The following MAPK14 variants were observed in gnomAD, a reference collection of about 807,000 sequenced individuals.
The protein encoded by MAPK14 is mitogen-activated protein kinase 14.
Under a neutral mutation model 49.6 loss-of-function variants are expected in MAPK14, and 16 were observed. That is an observed-to-expected ratio of 0.32 (90% CI 0.22 to 0.49). MAPK14 has a LOEUF of 0.49. Among genes scored for constraint, MAPK14 ranks in the 20% least tolerant of loss-of-function variants. The pLI, the probability that MAPK14 is intolerant of heterozygous loss-of-function variation, is 0.99. For missense variants in MAPK14, 200 were observed against 441.2 expected, an observed-to-expected ratio of 0.45 and a Z score of 4.90; for synonymous variants, 142 against 158.0, an observed-to-expected ratio of 0.90 and a Z score of 0.76.
intron 1 of MAPK14, among the ~76,000 whole-genome samples, chr6:36,041,272 C>T (rs755367442): frequency 1.2e-4 from 18 of 149,220 alleles, no homozygotes; most frequent in Non-Finnish European, 2.2e-4. Flanking sequence ...TCAGATTTTT[C>T]CTTGTGTTTC....
the MAPK14 span, among the ~76,000 whole-genome samples, chr6:36,121,514 C>G: frequency 1.3e-5 from 2 of 152,132 alleles, no homozygotes; most frequent in Non-Finnish European, 2.9e-5. Flanking sequence ...GAGTGAAGAC[C>G]AGGCCTGAGA....
chr6:36,030,997 G>T (rs1762519866), intron 1 of MAPK14, among the ~76,000 whole-genome samples: 6 of 152,196 alleles, frequency 3.9e-5, no homozygotes. Context: ...CTTATTCAGA[G>T]ATTCAGCGTA....
At chr6:36,082,528 G>T (rs1447314681) in intron 8 of MAPK14, among the ~76,000 whole-genome samples, 1 of 152,182 alleles carries the variant, frequency 6.6e-6, no homozygotes. Flanking sequence ...ATCTGTTTCT[G>T]GTCAGGACCT....
chr6:36,079,506 GC>G (rs1035896706), intron 8 of MAPK14, among the ~76,000 whole-genome samples: 7 of 151,692 alleles, frequency 4.6e-5, no homozygotes, highest in African/African-American at 1.7e-4. Flanking sequence ...AAAAAAAATT[GC>G]AAAAAAAAAA....
chr6:36,110,881 C>T lies in MAPK14; in HGVS notation c.*2434C>T, dbSNP rs2127479415. The T allele has an allele frequency of 6.6e-6, 1 of 152,350 alleles. No homozygotes were observed. Among genetic ancestry groups the T allele is most frequent in the South Asian group, 2.1e-4 (1 of 4,834 alleles). The allele number at this position is 152,350 out of a possible 1,614,324, so 9.4% of individuals were successfully genotyped here. ...TGTCTGACAGATCTTAATACTACTCCTAACATTTAGAAAATGTTGATAAAG... is the reference window on the plus strand; with the variant it reads ...TGTCTGACAGATCTTAATACTACTCTTAACATTTAGAAAATGTTGATAAAG... On this transcript the variant is annotated 3_prime_UTR_variant, in exon 12 of 12. Transcript: ENST00000229794.
At chr6:36,088,856 G>A (rs923614120) in intron 8 of MAPK14, among the ~76,000 whole-genome samples, 2 of 152,128 alleles carry the variant, frequency 1.3e-5, no homozygotes, top group Non-Finnish European at 2.9e-5. Flanking sequence ...ACCACAATGA[G>A]ATACTGTCTC....
chr6:36,029,850 G>C (rs369339202), intron 1 of MAPK14, among the ~76,000 whole-genome samples: 368 of 138,142 alleles, frequency 2.7e-3, no homozygotes, highest in African/African-American at 8.6e-3. Flanking sequence ...GAGTGTGTGT[G>C]TGTAGTTGGT....
At chr6:36,121,407 C>G in the MAPK14 span, among the ~76,000 whole-genome samples, 2 of 152,222 alleles carry the variant, frequency 1.3e-5, no homozygotes, top group Admixed American at 1.3e-4. Flanking sequence ...CTGTGCTGCC[C>G]TCAAGCTGCC....
chr6:36,114,754 A>T (rs201604808), downstream of MAPK14, among the ~76,000 whole-genome samples: 4 of 152,192 alleles, frequency 2.6e-5, no homozygotes, highest in African/African-American at 9.7e-5. Flanking sequence ...TTAAAAAAAA[A>T]CAGTAGGTTG....
At chr6:36,095,845 A>C in intron 8 of MAPK14, 142 bp from the exon 9 acceptor site, 1 of 601,514 alleles carries the variant, frequency 1.7e-6, no homozygotes, top group Non-Finnish European at 2.9e-6. Flanking sequence ...CTTGACCTAG[A>C]GGGATTCACC....
chr6:36,108,248 C>G (rs61764194), intron 11 of MAPK14, 132 bp from the exon 12 acceptor site: 68 of 687,838 alleles, frequency 9.9e-5, no homozygotes, highest in Middle Eastern at 2.4e-4. Flanking sequence ...CTATTACATA[C>G]AAGCTGTGAG....
At chr6:36,113,664 C>T (rs1766013273), downstream of MAPK14, among the ~76,000 whole-genome samples, 1 of 152,160 alleles carries the variant, frequency 6.6e-6, no homozygotes, top group South Asian at 2.1e-4. Context: ...GGATTGTGCC[C>T]TTTAATTTTT....
At chr6:36,085,161 C>T (rs544688143) in intron 8 of MAPK14, among the ~76,000 whole-genome samples, 9 of 152,258 alleles carry the variant, frequency 5.9e-5, no homozygotes, top group Admixed American at 3.3e-4. Flanking sequence ...GCAAGAGCTC[C>T]TGAAGGAAGC....
intron 8 of MAPK14, among the ~76,000 whole-genome samples, chr6:36,087,440 G>T (rs561232615): frequency 6.6e-6 from 1 of 152,266 alleles, no homozygotes; most frequent in South Asian, 2.1e-4. Context: ...AAAGTCTCGG[G>T]ATACAAAATC....
chr6:36,062,660 T>C (rs553553922), intron 3 of MAPK14, among the ~76,000 whole-genome samples: 6 of 120,632 alleles, frequency 5.0e-5, no homozygotes, highest in African/African-American at 1.0e-4. Context: ...TCTTTTTCTT[T>C]TCTTTTTTTT....
chr6:36,088,988 A>G (rs1254703307), intron 8 of MAPK14, among the ~76,000 whole-genome samples: 2 of 152,210 alleles, frequency 1.3e-5, no homozygotes, highest in Non-Finnish European at 2.9e-5. Context: ...CCATTGTGGA[A>G]GACTGGTGAA....
At chr6:36,054,705 A>G (rs1423916482) in intron 2 of MAPK14, among the ~76,000 whole-genome samples, 3 of 152,216 alleles carry the variant, frequency 2.0e-5, no homozygotes, top group Admixed American at 6.5e-5. Flanking sequence ...AGGTGCTTAT[A>G]ATGTCAAAGT....
chr6:36,059,556 C>T (rs888484616), intron 3 of MAPK14, among the ~76,000 whole-genome samples: 9 of 152,122 alleles, frequency 5.9e-5, no homozygotes, highest in Admixed American at 5.2e-4. Flanking sequence ...CACATTGTAC[C>T]CCATTGAAGA....
chr6:36,065,250 G>A (rs774979867), intron 3 of MAPK14, among the ~76,000 whole-genome samples: 9 of 152,080 alleles, frequency 5.9e-5, no homozygotes, highest in East Asian at 1.9e-4. Flanking sequence ...TGTTTTCTTC[G>A]TTGCTGAATC....
Sources: allele counts gnomAD v4.1 joint callset (sites outside exome capture counted in the v4.1 genomes callset), GRCh38; gene constraint gnomAD v4.1.1; transcripts MANE v1.5; gene names NCBI Gene and HGNC (gene_info 2026-07-23, HGNC 2026-07-21).